Variants in SPRR2G observed in about 807,000 individuals in gnomAD.
SPRR2G encodes the protein small proline rich protein 2G, also known as small proline-rich protein 2G.
Under a neutral mutation model 0.7 loss-of-function variants are expected in SPRR2G, and 1 was observed. The ratio of observed to expected loss-of-function variants is 1.49; its 90% CI spans 0.53 to 7.06. The LOEUF (loss-of-function observed/expected upper bound fraction) is 7.06. Among genes scored for constraint, SPRR2G ranks in the 30% most tolerant of loss-of-function variants. The pLI is 0.14. For synonymous variants in SPRR2G, 38 were observed against 33.9 expected, an observed-to-expected ratio of 1.12 and a Z score of -0.42; for missense variants, 96 against 88.5, an observed-to-expected ratio of 1.09 and a Z score of -0.34.
chr1:153,202,230 C>G, the SPRR2G span, among the ~76,000 whole-genome samples: 1 of 152,200 alleles, frequency 6.6e-6, no homozygotes, highest in African/African-American at 2.4e-5. Context: ...TGACCCTCCC[C>G]GAAACTGCAC....
the SPRR2G span, among the ~76,000 whole-genome samples, chr1:153,194,658 A>G: frequency 6.6e-6 from 1 of 152,312 alleles, no homozygotes; most frequent in Non-Finnish European, 1.5e-5. Context: ...CAGGCACTCT[A>G]TCTTGGTGCT....
chr1:153,166,680 A>C, the SPRR2G span, among the ~76,000 whole-genome samples: 1 of 152,150 alleles, frequency 6.6e-6, no homozygotes, highest in Non-Finnish European at 1.5e-5. Context: ...AAGAATAGAT[A>C]TGTCATTTCA....
chr1:153,191,817 G>A, the SPRR2G span: 1 of 152,154 alleles, frequency 6.6e-6, no homozygotes, highest in African/African-American at 2.4e-5. Context: ...AAGGGTTGAG[G>A]ACATTCTCCT....
Position 153,149,799 on chromosome 1 carries a change from A to T in SPRR2G, c.*90T>A, listed in dbSNP as rs1336864892. 5 of 1,506,116 alleles carry T rather than the reference A, an allele frequency of 3.3e-6. No individual in the cohort carries two copies. The highest frequency in any genetic ancestry group is 2.3e-5 in the South Asian group (2 of 87,290). The allele number at this position is 1,506,116 out of a possible 1,614,324, so 93.3% of individuals were successfully genotyped here. ...GAGGTTAGGGAAGATGCAGCCTCCC[A>T]CTACAGCTGAAGGGAAGATGATGGA... On this transcript the variant is annotated 3_prime_UTR_variant, in exon 2 of 2. Coordinates refer to ENST00000368748, the MANE Select transcript of SPRR2G (RefSeq NM_001014291.4).
the SPRR2G span, among the ~76,000 whole-genome samples, chr1:153,175,884 C>T: frequency 6.6e-6 from 1 of 152,062 alleles, no homozygotes; most frequent in African/African-American, 2.4e-5. Flanking sequence ...CGGTGAAACT[C>T]CGTCTCTACT....
the SPRR2G span, among the ~76,000 whole-genome samples, chr1:153,203,151 G>T: frequency 6.6e-6 from 1 of 152,176 alleles, no homozygotes; most frequent in Non-Finnish European, 1.5e-5. Context: ...TGGAGACCAT[G>T]TGTCAACAGT....
the SPRR2G span, among the ~76,000 whole-genome samples, chr1:153,181,269 T>C: frequency 6.6e-6 from 1 of 152,150 alleles, no homozygotes; most frequent in African/African-American, 2.4e-5. Context: ...TGTAATATAT[T>C]TTTATTTTCT....
chr1:153,184,309 C>T, the SPRR2G span, among the ~76,000 whole-genome samples: 33 of 152,180 alleles, frequency 2.2e-4, no homozygotes, highest in Admixed American at 2.1e-3. Context: ...TTACTTTAGG[C>T]AGTATGGCCA....
the SPRR2G span, among the ~76,000 whole-genome samples, chr1:153,189,819 C>G: frequency 2.6e-5 from 4 of 152,044 alleles, no homozygotes; most frequent in African/African-American, 7.2e-5. Flanking sequence ...GCCTTAGGAA[C>G]AGGGGACACA....
the SPRR2G span, among the ~76,000 whole-genome samples, chr1:153,184,084 G>C: frequency 6.6e-6 from 1 of 152,152 alleles, no homozygotes; most frequent in Non-Finnish European, 1.5e-5. Context: ...CTATATATCT[G>C]TTTTGGTACC....
chr1:153,163,502 A>G, the SPRR2G span, among the ~76,000 whole-genome samples: 1 of 152,224 alleles, frequency 6.6e-6, no homozygotes, highest in African/African-American at 2.4e-5. Context: ...GGGACACATA[A>G]GAAAAGGGTA....
chr1:153,183,080 T>G, the SPRR2G span, among the ~76,000 whole-genome samples: 26 of 150,508 alleles, frequency 1.7e-4, no homozygotes, highest in Admixed American at 3.3e-4. Context: ...TTTTTTTTTT[T>G]GGGTGGGGAC....
At chr1:153,178,545 C>T in the SPRR2G span, among the ~76,000 whole-genome samples, 1 of 152,114 alleles carries the variant, frequency 6.6e-6, no homozygotes, top group Non-Finnish European at 1.5e-5. Context: ...TTGTCAAATG[C>T]TTTCTCTACA....
the SPRR2G span, among the ~76,000 whole-genome samples, chr1:153,201,159 C>A: frequency 6.6e-6 from 1 of 152,148 alleles, no homozygotes; most frequent in African/African-American, 2.4e-5. Context: ...AGTAGTAGTT[C>A]CTTCCAGCCA....
At chr1:153,184,262 A>G in the SPRR2G span, among the ~76,000 whole-genome samples, 2 of 152,228 alleles carry the variant, frequency 1.3e-5, no homozygotes, top group Non-Finnish European at 2.9e-5. Flanking sequence ...GAAGAAAATC[A>G]ATGATAGCTT....
chr1:153,160,193 CATA>C, the SPRR2G span, among the ~76,000 whole-genome samples: 75,576 of 151,760 alleles, frequency 0.5, 19,300 homozygotes, highest in Non-Finnish European at 0.57. Flanking sequence ...TTTCACTTAG[CATA>C]ATATCATCAA....
chr1:153,177,516 A>T, the SPRR2G span, among the ~76,000 whole-genome samples: 1 of 152,170 alleles, frequency 6.6e-6, no homozygotes, highest in Non-Finnish European at 1.5e-5. Context: ...TTGCTTTGTC[A>T]TTAATTTTAA....
chr1:153,154,383 G>A (rs2101649736), upstream of SPRR2G, among the ~76,000 whole-genome samples: 1 of 152,132 alleles, frequency 6.6e-6, no homozygotes, highest in Middle Eastern at 3.4e-3. Flanking sequence ...GAATTTGGAA[G>A]TGGTCTCTCC....
At chr1:153,168,269 A>G in the SPRR2G span, among the ~76,000 whole-genome samples, 5 of 152,190 alleles carry the variant, frequency 3.3e-5, no homozygotes, top group African/African-American at 1.2e-4. Flanking sequence ...TCTATTTTCA[A>G]CAAGCAGTCT....
Sources: allele counts gnomAD v4.1 joint callset (sites outside exome capture counted in the v4.1 genomes callset), GRCh38; gene constraint gnomAD v4.1.1; transcripts MANE v1.5; gene names NCBI Gene and HGNC (gene_info 2026-07-23, HGNC 2026-07-21).